The following EN2 variants were observed in gnomAD, a reference collection of about 807,000 sequenced individuals.
The protein encoded by EN2 is homeobox protein engrailed-2.
A neutral mutation model predicts 25.0 loss-of-function variants in EN2; 7 were observed. The observed-to-expected ratio is 0.28, with a 90% CI of 0.16 to 0.53. The LOEUF is 0.53. EN2 is among the 20% of genes least tolerant of loss of function. The probability of loss-of-function intolerance (pLI) is 0.96; values close to 1 mark genes in which losing one functional copy is unlikely to be tolerated. For synonymous variants in EN2, 277 were observed against 243.3 expected (o/e 1.14, Z -1.29); for missense variants, 524 against 501.8 (o/e 1.04, Z -0.42).
chr7:155,459,408 A>T (rs1017921840), intron 1 of EN2, among the ~76,000 whole-genome samples: 1 of 150,008 alleles, frequency 6.7e-6, no homozygotes, highest in Non-Finnish European at 1.5e-5. Flanking sequence ...TGTCTCCCCC[A>T]CTGTAGTTTT....
Position 155,462,892 on chromosome 7 carries a change from T to G in EN2, c.*205T>G. 3 of 647,082 alleles carry G rather than the reference T, an allele frequency of 4.6e-6. No individual in the cohort carries two copies. Among genetic ancestry groups the G allele is most frequent in the Non-Finnish European group, 7.0e-6 (3 of 431,374 alleles). 40.1% of individuals were successfully genotyped at this position (647,082 alleles called of 1,614,324 possible). A position where few individuals can be genotyped will look rare whatever the true frequency, so the allele number is the denominator to read the frequency against. On this transcript the variant is annotated 3_prime_UTR_variant, in exon 2 of 2. Transcript: ENST00000297375. ...TGACTATAAAATATTTTTTTGAGTT[T>G]TTTGTGTTTATGAGATTATGCTAAT...
chr7:155,458,644 T>C lies in EN2; in HGVS notation c.267T>C (p.Cys89=). 7.1e-7 allele frequency: 1 copy of C among 1,416,218 alleles called. No individual in the cohort carries two copies. The allele number at this position is 1,416,218 out of a possible 1,614,324, so 87.7% of individuals were successfully genotyped here. A position where few individuals can be genotyped will look rare whatever the true frequency, so the allele number is the denominator to read the frequency against. ...GGCGAAAGGACGCGGGGACCTGCTGTGCGGGCGCGGGAGGAGGAAGGGGCG... is the reference window on the plus strand; with the variant it reads ...GGCGAAAGGACGCGGGGACCTGCTGCGCGGGCGCGGGAGGAGGAAGGGGCG... ...FGRRKDAGTC[C]AGAGGGRGGG... is the part of the protein sequence containing the mutation. Residue 89 remains cysteine (C), a synonymous_variant, in exon 1 of 2, where the codon TGT becomes TGC. Coordinates refer to ENST00000297375, the MANE Select transcript of EN2 (RefSeq NM_001427.4).
chr7:155,461,988 C>T (rs1406453310), intron 1 of EN2, among the ~76,000 whole-genome samples: 1 of 152,250 alleles, frequency 6.6e-6, no homozygotes, highest in Non-Finnish European at 1.5e-5. Context: ...CCTCCCCTCT[C>T]TCTCAGCACC....
chr7:155,462,170 G>A (rs901512362), intron 1 of EN2, among the ~76,000 whole-genome samples: 9 of 152,158 alleles, frequency 5.9e-5, no homozygotes, highest in Non-Finnish European at 5.9e-5. Context: ...TACATCACAC[G>A]CAGTCCTCCC....
chr7:155,461,105 C>T (rs1407370062), intron 1 of EN2, among the ~76,000 whole-genome samples: 1 of 152,172 alleles, frequency 6.6e-6, no homozygotes, highest in African/African-American at 2.4e-5. Flanking sequence ...GGTGCAGTCC[C>T]AGGGCCTCCA....
rs1187161119 is a variant in EN2, at chr7:155,458,469, G to A, written c.92G>A (p.Gly31Asp). 1 of 1,300,994 alleles carries A rather than the reference G, an allele frequency of 7.7e-7. No individual in the cohort carries two copies. Among genetic ancestry groups the A allele is most frequent in the Non-Finnish European group, 9.8e-7 (1 of 1,023,384 alleles). The allele number at this position is 1,300,994 out of a possible 1,614,324, so 80.6% of individuals were successfully genotyped here. A position where few individuals can be genotyped will look rare whatever the true frequency, so the allele number is the denominator to read the frequency against. The change falls in exon 1 of 2, where the codon GGC becomes GAC. Residue 31 changes from glycine (G) to aspartate (D), a missense_variant. Gly to Asp is a moderately conservative substitution (Grantham distance 94). Transcript: ENST00000297375. ...PESSPGGGSG[G>D]GGGSSPGEAD... is the part of the protein sequence containing the mutation. The stretch of plus-strand genomic sequence containing the variant: ...TCCAGCCCCGGCGGCGGCTCGGGCG[G>A]CGGCGGCGGTAGCAGCCCGGGCGAA...
Position 155,458,721 on chromosome 7 carries a change from C to A in EN2, c.344C>A (p.Ala115Glu). 7.5e-7 allele frequency: 1 copy of A among 1,328,512 alleles called. No homozygotes were observed. Among genetic ancestry groups the A allele is most frequent in the African/African-American group, 1.5e-5 (1 of 64,558 alleles). The allele number at this position is 1,328,512 out of a possible 1,614,324, so 82.3% of individuals were successfully genotyped here. A position where few individuals can be genotyped will look rare whatever the true frequency, so the allele number is the denominator to read the frequency against. The change falls in exon 1 of 2, where the codon GCG becomes GAG. Residue 115 changes from alanine to glutamate, a missense_variant. Ala to Glu is a moderately radical substitution (Grantham distance 107). Coordinates refer to ENST00000297375, the MANE Select transcript of EN2 (RefSeq NM_001427.4). ...AGCGGTGCGGAGGGAGGCGGCGGCG[C>A]GGGCGGCTCGGAGCAGCTCTTGGGC... ...GASGAEGGGG[A>E]GGSEQLLGSG...
chr7:155,461,547 C>T (rs73163344), intron 1 of EN2, among the ~76,000 whole-genome samples: 10,411 of 152,280 alleles, frequency 0.068, 430 homozygotes, highest in South Asian at 0.15. Flanking sequence ...AGAAGTGGAC[C>T]TGGACAAGGT....
Position 155,462,819 on chromosome 7 carries a change from A to C in EN2, c.*132A>C. 1 of 1,123,370 alleles carries C rather than the reference A, an allele frequency of 8.9e-7. No individual in the cohort carries two copies. The highest frequency in any genetic ancestry group is 1.2e-6 in the Non-Finnish European group (1 of 818,370). The allele number at this position is 1,123,370 out of a possible 1,614,324, so 69.6% of individuals were successfully genotyped here. On this transcript the variant is annotated 3_prime_UTR_variant, in exon 2 of 2. Coordinates refer to ENST00000297375, the MANE Select transcript of EN2 (RefSeq NM_001427.4). Reference sequence around the variant, plus strand: ...ATTGTGTATTAGCTAAGGTTCTGAAATATTCTATGTATATATCATTTACAG... The same window carrying C: ...ATTGTGTATTAGCTAAGGTTCTGAACTATTCTATGTATATATCATTTACAG...
chr7:155,459,181 G>C, intron 1 of EN2, 119 bp downstream of exon 1: 1 of 1,115,130 alleles, frequency 9.0e-7, no homozygotes. Flanking sequence ...CCGCGCACAC[G>C]CACAAAGACT....
chr7:155,462,089 A>G (rs1795703040), intron 1 of EN2, among the ~76,000 whole-genome samples: 1 of 152,140 alleles, frequency 6.6e-6, no homozygotes, highest in Admixed American at 6.5e-5. Flanking sequence ...TACATCCAGG[A>G]GTTTTACTTT....
intron 1 of EN2, 125 bp from the exon 2 acceptor site, chr7:155,462,246 G>C: frequency 9.1e-7 from 1 of 1,099,206 alleles, no homozygotes; most frequent in Non-Finnish European, 1.3e-6. Flanking sequence ...ACATCTGGCG[G>C]TTCAGCCTCG....
chr7:155,458,848 C>A lies in EN2; in HGVS notation c.471C>A (p.Gly157=), dbSNP rs535537749. ...ACTCTCCGGGTGACGGGGAAGGCGG[C>A]TCCAAGACGCTCTCGCTGCACGGTG... ...GSDSPGDGEG[G]SKTLSLHGGA... Residue 157 remains glycine (G), a synonymous_variant, in exon 1 of 2, where the codon GGC becomes GGA. Coordinates refer to ENST00000297375, the MANE Select transcript of EN2 (RefSeq NM_001427.4). 2.7e-6 allele frequency: 4 copies of A among 1,484,332 alleles called. No homozygotes were observed. The highest frequency in any genetic ancestry group is 2.5e-5 in the South Asian group (2 of 78,610). 91.9% of individuals were successfully genotyped at this position (1,484,332 alleles called of 1,614,324 possible). A position where few individuals can be genotyped will look rare whatever the true frequency, so the allele number is the denominator to read the frequency against.
rs1795724915 is a variant in EN2 at position 155,463,600 on chromosome 7, TGCCGCAG to T, written c.*917_*923del. 1 of 149,666 alleles carries T rather than the reference TGCCGCAG, an allele frequency of 6.7e-6. No homozygotes were observed. The highest frequency in any genetic ancestry group is 1.5e-5 in the Non-Finnish European group (1 of 68,036). The allele number at this position is 149,666 out of a possible 1,614,324, so 9.3% of individuals were successfully genotyped here. On this transcript the variant is annotated 3_prime_UTR_variant, in exon 2 of 2. Coordinates refer to ENST00000297375, the MANE Select transcript of EN2 (RefSeq NM_001427.4). Reference sequence around the variant, plus strand: ...GCTGTCCCCAGTCCCACCGCAGTCCTGCCGCAGGCCTAACCCTCCTGCCCTGGGCACT... The same window carrying T: ...GCTGTCCCCAGTCCCACCGCAGTCCTGCCTAACCCTCCTGCCCTGGGCACT...
rs1795734777 is a variant in EN2, at chr7:155,464,350, G to A, written c.*1663G>A. On this transcript the variant is annotated 3_prime_UTR_variant, in exon 2 of 2. Coordinates refer to ENST00000297375, the MANE Select transcript of EN2 (RefSeq NM_001427.4). Reference sequence around the variant, plus strand: ...CCATCTGTGGCTGGGACAGCCCAGGGGGTGTGCCCACGGCTGACCCAGGGG... The same window carrying A: ...CCATCTGTGGCTGGGACAGCCCAGGAGGTGTGCCCACGGCTGACCCAGGGG... The A allele has an allele frequency of 6.6e-6, 1 of 152,246 alleles. No individual in the cohort carries two copies. 9.4% of individuals were successfully genotyped at this position (152,246 alleles called of 1,614,324 possible).
chr7:155,461,997 C>A (rs1174348914), intron 1 of EN2, among the ~76,000 whole-genome samples: 1 of 152,242 alleles, frequency 6.6e-6, no homozygotes, highest in Admixed American at 6.5e-5. Context: ...TCTCTCAGCA[C>A]CTACCGCCAT....
intron 1 of EN2, 60 bp downstream of exon 1, chr7:155,459,122 G>T: frequency 2.0e-6 from 3 of 1,474,486 alleles, no homozygotes; most frequent in Non-Finnish European, 1.8e-6. Context: ...GAGCTGGGGG[G>T]CGGTGCTGGC....
Position 155,462,871 on chromosome 7 carries a change from T to C in EN2, c.*184T>C. ...TGGTATAAAATCCAAAATATCTGAC[T>C]ATAAAATATTTTTTTGAGTTTTTTG... On this transcript the variant is annotated 3_prime_UTR_variant, in exon 2 of 2. Transcript: ENST00000297375. 1.4e-6 allele frequency: 1 copy of C among 709,598 alleles called. No homozygotes were observed. Among genetic ancestry groups the C allele is most frequent in the Non-Finnish European group, 2.1e-6 (1 of 484,806 alleles). 44.0% of individuals were successfully genotyped at this position (709,598 alleles called of 1,614,324 possible).
chr7:155,458,153 GC>G lies in EN2; in HGVS notation c.-224del, dbSNP rs988155646. The G allele has an allele frequency of 4.6e-6, 2 of 433,878 alleles. No individual in the cohort carries two copies. Among genetic ancestry groups the G allele is most frequent in the Non-Finnish European group, 7.7e-6 (2 of 260,206 alleles). 26.9% of individuals were successfully genotyped at this position (433,878 alleles called of 1,614,324 possible). On this transcript the variant is annotated 5_prime_UTR_variant, in exon 1 of 2. Coordinates refer to ENST00000297375, the MANE Select transcript of EN2 (RefSeq NM_001427.4). ...ATCTCTCATCGTCTGGGCGAGCGGG[GC>G]GGCTCGTGGTGTTTCTAACCCAGTT...
Sources: allele counts gnomAD v4.1 joint callset (sites outside exome capture counted in the v4.1 genomes callset), GRCh38; gene constraint gnomAD v4.1.1; transcripts MANE v1.5; gene names NCBI Gene and HGNC (gene_info 2026-07-23, HGNC 2026-07-21).